DISC1: variants seen among roughly 807,000 people sequenced by gnomAD.
DISC1 encodes DISC1 scaffold protein, also known as disrupted in schizophrenia 1 protein.
Under a neutral mutation model 84.5 loss-of-function variants are expected in DISC1, and 57 were observed. The observed-to-expected ratio is 0.67, with a 90% CI of 0.55 to 0.84. DISC1 has a LOEUF of 0.84. Ranked by LOEUF, DISC1 falls within the 40% of genes least tolerant of loss-of-function variation. The pLI is 0.00. For missense variants in DISC1, 1,000 were observed against 1,057.8 expected, an observed-to-expected ratio of 0.95 and a Z score of 0.76; for synonymous variants, 411 against 415.2, an observed-to-expected ratio of 0.99 and a Z score of 0.12.
At chr1:231,843,462 G>GA (rs1026395956) in intron 9 of DISC1, among the ~76,000 whole-genome samples, 4 of 152,036 alleles carry the variant, frequency 2.6e-5, no homozygotes, top group African/African-American at 7.2e-5. Flanking sequence ...TTGGGGGGAT[G>GA]AAAAAAAGGC....
intron 1 of DISC1, among the ~76,000 whole-genome samples, chr1:231,657,242 C>A (rs1270800227): frequency 6.6e-6 from 1 of 152,198 alleles, no homozygotes; most frequent in South Asian, 2.1e-4. Flanking sequence ...AATTTACACT[C>A]CCACCAACAA....
chr1:231,784,699 A>G (rs2077697733), intron 6 of DISC1, among the ~76,000 whole-genome samples: 1 of 152,190 alleles, frequency 6.6e-6, no homozygotes. Flanking sequence ...AAGATGAGCT[A>G]GTTGGTGAGC....
At chr1:231,646,466 A>C (rs543798187) in intron 1 of DISC1, among the ~76,000 whole-genome samples, 2 of 152,292 alleles carry the variant, frequency 1.3e-5, no homozygotes, top group South Asian at 4.1e-4. Flanking sequence ...TATAAACATA[A>C]GCGTGCATGT....
At chr1:231,758,823 A>T (rs2075376657) in intron 4 of DISC1, among the ~76,000 whole-genome samples, 1 of 152,190 alleles carries the variant, frequency 6.6e-6, no homozygotes, top group Non-Finnish European at 1.5e-5. Flanking sequence ...CATTTCTCTA[A>T]CTATACACCC....
At chr1:231,962,875 G>C (rs1660576208) in intron 10 of DISC1, among the ~76,000 whole-genome samples, 1 of 152,124 alleles carries the variant, frequency 6.6e-6, no homozygotes, top group South Asian at 2.1e-4. Flanking sequence ...GCTCATGCTG[G>C]CTCACCAGCC....
intron 6 of DISC1, among the ~76,000 whole-genome samples, chr1:231,786,079 G>A (rs148904431): frequency 5.9e-5 from 9 of 151,980 alleles, no homozygotes; most frequent in African/African-American, 2.2e-4. Context: ...ATTATAGAGT[G>A]AAAAACAACA....
At chr1:231,968,925 A>T (rs1030451729) in intron 10 of DISC1, among the ~76,000 whole-genome samples, 1 of 152,236 alleles carries the variant, frequency 6.6e-6, no homozygotes, top group Admixed American at 6.5e-5. Context: ...ATGGGATAAC[A>T]GTAGAATAAG....
chr1:231,899,259 T>C (rs1043745138), intron 9 of DISC1, among the ~76,000 whole-genome samples: 1 of 152,132 alleles, frequency 6.6e-6, no homozygotes, highest in African/African-American at 2.4e-5. Context: ...GGTGGGCTTG[T>C]TGGAAACACA....
intron 9 of DISC1, among the ~76,000 whole-genome samples, chr1:231,840,374 C>G (rs892882866): frequency 1.3e-5 from 2 of 152,184 alleles, no homozygotes; most frequent in African/African-American, 4.8e-5. Context: ...CAGCTTTATT[C>G]ATAATTGCCT....
chr1:231,774,835 G>A (rs984668539), intron 6 of DISC1: 1 of 437,142 alleles, frequency 2.3e-6, no homozygotes, highest in Non-Finnish European at 4.6e-6. Context: ...AGATTGCTTG[G>A]TCTAGTATTT....
In DISC1 at chr1:232,031,945, G is replaced by A. The variant is rs1394431144; in HGVS notation, c.2426-4747G>A. On this transcript the variant is annotated intron_variant, in intron 12 of 12. Coordinates refer to ENST00000439617, the MANE Select transcript of DISC1 (RefSeq NM_018662.3). The surrounding 1 kb of genome is among the most constrained non-coding windows in gnomAD (Gnocchi z 4.6). ...AATGGTGGTAAGAAGAAATAATGTAGCAAAAGAGTAGCACTTTCAAAGGAT... is the reference window on the plus strand; with the variant it reads ...AATGGTGGTAAGAAGAAATAATGTAACAAAAGAGTAGCACTTTCAAAGGAT... Among the ~76,000 whole-genome samples the A allele has an allele frequency of 6.6e-6, 1 of 152,212 alleles. No homozygotes were observed. The highest frequency in any genetic ancestry group is 2.4e-5 in the African/African-American group (1 of 41,456).
At chr1:231,728,254 A>G (rs1188439245) in intron 3 of DISC1, among the ~76,000 whole-genome samples, 1 of 152,314 alleles carries the variant, frequency 6.6e-6, no homozygotes, top group East Asian at 1.9e-4. Flanking sequence ...TTATAAAGCC[A>G]AGATTTGTTT....
At chr1:231,648,629 A>G (rs2060344436) in intron 1 of DISC1, among the ~76,000 whole-genome samples, 2 of 152,178 alleles carry the variant, frequency 1.3e-5, no homozygotes, top group Admixed American at 6.5e-5. Context: ...TTCAGAAGGA[A>G]TGGTACCAGC....
intron 9 of DISC1, among the ~76,000 whole-genome samples, chr1:231,913,709 A>C (rs554441823): frequency 6.6e-6 from 1 of 152,212 alleles, no homozygotes; most frequent in African/African-American, 2.4e-5. Flanking sequence ...GCAGATGCCA[A>C]TGCTCTGACT....
chr1:232,007,349 G>C (rs890359643), intron 10 of DISC1, among the ~76,000 whole-genome samples: 1 of 152,154 alleles, frequency 6.6e-6, no homozygotes, highest in Non-Finnish European at 1.5e-5. Flanking sequence ...GCAGCCAGGA[G>C]GGGGACTGTA....
chr1:232,026,552 C>A lies in DISC1; in HGVS notation c.2425C>A (p.Gln809Lys). Reference protein sequence around the residue: ...AIHSHDEDLIQSLRRELQMVK... With the variant: ...AIHSHDEDLIKSLRRELQMVK... Reference sequence around the variant, plus strand: ...CCACAGTCATGATGAAGATCTCATTCATATCCTTTTCATCTTGCAGATGAA... The same window carrying A: ...CCACAGTCATGATGAAGATCTCATTAATATCCTTTTCATCTTGCAGATGAA... The change falls in exon 12 of 13, where the codon CAG becomes AAG. Residue 809 changes from glutamine to lysine, a missense_variant and splice_region_variant. Physicochemically the swap from Gln to Lys is moderately conservative, Grantham distance 53. Around this residue, in one of 3 missense-constraint regions of DISC1, gnomAD observed 397 missense variants for 377.5 expected, o/e 1.05. Coordinates refer to ENST00000439617, the MANE Select transcript of DISC1 (RefSeq NM_018662.3). 6.3e-7 allele frequency: 1 copy of A among 1,591,438 alleles called. No homozygotes were observed. Among genetic ancestry groups the A allele is most frequent in the East Asian group, 2.2e-5 (1 of 44,506 alleles).
intron 10 of DISC1, among the ~76,000 whole-genome samples, chr1:232,000,771 A>G (rs967474643): frequency 4.6e-5 from 7 of 152,230 alleles, no homozygotes; most frequent in African/African-American, 1.7e-4. Flanking sequence ...TGGAAGCCAG[A>G]AAGAAGTGGC....
chr1:231,730,899 G>A (rs2071426389), intron 3 of DISC1, among the ~76,000 whole-genome samples: 1 of 151,952 alleles, frequency 6.6e-6, no homozygotes, highest in Admixed American at 6.5e-5. Context: ...TGAAGAATAT[G>A]GTGTAAAATT....
chr1:231,665,419 A>G lies in DISC1; in HGVS notation c.68-28407A>G, dbSNP rs111649464. 9.3e-4 allele frequency among the ~76,000 whole-genome samples: 141 copies of G among 152,376 alleles called. 1 individual carries two copies. The highest frequency in any genetic ancestry group is 3.2e-3 in the African/African-American group (134 of 41,594). ...TCCCAAAAAGCAGAGAAAAGTCATG[A>G]CATTACAAGTAAAAGCTGAATTGCT... On this transcript the variant is annotated intron_variant, in intron 1 of 12. Transcript: ENST00000439617.
Sources: gnomAD v4.1 joint callset for allele counts (sites outside exome capture counted in the v4.1 genomes callset) on GRCh38, gnomAD v4.1.1 for gene constraint, gnomAD v4.1.1 regional missense constraint, Gnocchi (gnomAD v3.1) non-coding constraint, MANE v1.5 for transcripts, NCBI Gene and HGNC (gene_info 2026-07-23, HGNC 2026-07-21) for gene names.